Variants in RIMS1 observed in about 807,000 individuals in gnomAD.
RIMS1 encodes the protein regulating synaptic membrane exocytosis 1, also known as regulating synaptic membrane exocytosis protein 1.
A neutral mutation model predicts 214.1 loss-of-function variants in RIMS1; 83 were observed. That is an observed-to-expected ratio of 0.39 (90% CI 0.32 to 0.47). RIMS1 has a LOEUF of 0.47. Among genes scored for constraint, RIMS1 ranks in the 20% least tolerant of loss-of-function variants. The probability of loss-of-function intolerance (pLI) is 0.99; values close to 1 mark genes in which losing one functional copy is unlikely to be tolerated. For synonymous variants in RIMS1, 793 were observed against 786.8 expected (o/e 1.01, Z -0.13); for missense variants, 2,050 against 2,161.8 (o/e 0.95, Z 1.03).
intron 26 of RIMS1, among the ~76,000 whole-genome samples, chr6:72,302,870 T>C (rs996192573): frequency 2.0e-5 from 3 of 151,210 alleles, no homozygotes; most frequent in African/African-American, 7.3e-5. Flanking sequence ...CCTTTTACAG[T>C]CATATTTCAT....
rs776291647 is a variant in RIMS1, at chr6:71,887,000, A to G, written c.-24A>G. 8.7e-6 allele frequency: 14 copies of G among 1,609,050 alleles called. No individual in the cohort carries two copies. The highest frequency in any genetic ancestry group is 1.1e-5 in the Non-Finnish European group (13 of 1,177,610). ...GAAAGGTGAGAGCCAGAGAGCGAGC[A>G]GAGGGGGCGGGCAGGCCACGAAAAT... On this transcript the variant is annotated 5_prime_UTR_variant, in exon 1 of 34. Coordinates refer to ENST00000521978, the MANE Select transcript of RIMS1 (RefSeq NM_014989.7).
rs116728262 is a variant in RIMS1 at position 72,293,230 on chromosome 6, T to A, written c.3850+1184T>A. Among the ~76,000 whole-genome samples the A allele has an allele frequency of 8.1e-3, 1,227 of 152,118 alleles. 19 individuals carry two copies. The highest frequency in any genetic ancestry group is 0.029 in the African/African-American group (1,192 of 41,560). On this transcript the variant is annotated intron_variant, in intron 26 of 33. Transcript: ENST00000521978. ...ATTCTATTGATACTCCATGCTTTAGTTTTCAGGGTTGCTAAAATGGTATTC... is the reference window on the plus strand; with the variant it reads ...ATTCTATTGATACTCCATGCTTTAGATTTCAGGGTTGCTAAAATGGTATTC...
chr6:72,231,401 A>T (rs2061922344), intron 6 of RIMS1, among the ~76,000 whole-genome samples: 1 of 151,732 alleles, frequency 6.6e-6, no homozygotes, highest in African/African-American at 2.4e-5. Flanking sequence ...ATTGTATACT[A>T]AAATATATAC....
intron 29 of RIMS1, among the ~76,000 whole-genome samples, chr6:72,382,610 ATG>A (rs537344446): frequency 1.4e-4 from 22 of 152,312 alleles, no homozygotes; most frequent in African/African-American, 5.3e-4. Context: ...TTCAAATGAT[ATG>A]TCACTGTGCA....
At chr6:72,290,908 G>A (rs762729629) in intron 25 of RIMS1, 47 bp downstream of exon 25, 5 of 1,577,556 alleles carry the variant, frequency 3.2e-6, no homozygotes, top group Non-Finnish European at 4.3e-6. Flanking sequence ...GCCTCCGGGT[G>A]TTGGTGTGGT....
chr6:72,172,164 A>G (rs980486267), intron 4 of RIMS1, among the ~76,000 whole-genome samples: 10 of 152,176 alleles, frequency 6.6e-5, no homozygotes, highest in African/African-American at 2.4e-4. Flanking sequence ...ACAAACACGG[A>G]AAACATTCGA....
intron 2 of RIMS1, among the ~76,000 whole-genome samples, chr6:71,978,085 CAGTG>C (rs1277053566): frequency 6.6e-6 from 1 of 152,096 alleles, no homozygotes; most frequent in South Asian, 2.1e-4. Flanking sequence ...GTTTTGAAAG[CAGTG>C]AGGGAGAACA....
intron 1 of RIMS1, among the ~76,000 whole-genome samples, chr6:71,888,835 A>C (rs1768668746): frequency 1.3e-5 from 2 of 152,214 alleles, no homozygotes. Context: ...CAAATACTTT[A>C]AGCCTGCCGG....
At chr6:72,115,471 G>T (rs1041024739) in intron 4 of RIMS1, among the ~76,000 whole-genome samples, 4 of 151,848 alleles carry the variant, frequency 2.6e-5, no homozygotes, top group African/African-American at 9.7e-5. Context: ...GTTTGTCAAT[G>T]CTCTGTAAGA....
At chr6:72,331,984 C>T (rs1016552831) in intron 28 of RIMS1, among the ~76,000 whole-genome samples, 11 of 151,742 alleles carry the variant, frequency 7.2e-5, no homozygotes, top group East Asian at 1.9e-4. Context: ...ACCTCTTTTC[C>T]GTAGCTTATA....
At chr6:72,393,168 G>A (rs9446636) in intron 31 of RIMS1, among the ~76,000 whole-genome samples, 2,061 of 150,530 alleles carry the variant, frequency 0.014, 46 homozygotes, top group African/African-American at 0.048. Flanking sequence ...ATTCCCTCAC[G>A]CCTACACAAC....
At chr6:72,309,493 T>C (rs2095406188) in intron 27 of RIMS1, among the ~76,000 whole-genome samples, 1 of 152,070 alleles carries the variant, frequency 6.6e-6, no homozygotes, top group Non-Finnish European at 1.5e-5. Flanking sequence ...TTTGTTCTAC[T>C]TACATCATTG....
intron 2 of RIMS1, among the ~76,000 whole-genome samples, chr6:72,062,023 T>C (rs1010206246): frequency 1.3e-5 from 2 of 152,244 alleles, no homozygotes; most frequent in Non-Finnish European, 2.9e-5. Flanking sequence ...TGTTGGCACT[T>C]TAAATCTCTC....
intron 29 of RIMS1, among the ~76,000 whole-genome samples, chr6:72,350,694 A>T (rs1008325534): frequency 3.3e-5 from 5 of 152,144 alleles, no homozygotes; most frequent in Admixed American, 1.3e-4. Context: ...AGCACTCTTT[A>T]TGGTACATAA....
At chr6:72,128,419 T>A (rs928834717) in intron 4 of RIMS1, among the ~76,000 whole-genome samples, 2 of 152,002 alleles carry the variant, frequency 1.3e-5, no homozygotes, top group African/African-American at 4.8e-5. Context: ...AAAAAAATTG[T>A]ATTTGCCCCC....
rs181283197 is a variant in RIMS1, at chr6:72,117,704, G to A, written c.471+17718G>A. ...TTAGGTTAACAATGAAATGAAGATG[G>A]AATTAAAAAATTCTTTGAAATGAAT... On this transcript the variant is annotated intron_variant, in intron 4 of 33. Transcript: ENST00000521978. 3.6e-3 allele frequency among the ~76,000 whole-genome samples: 551 copies of A among 151,866 alleles called. 5 individuals are homozygous for A. The highest frequency in any genetic ancestry group is 0.013 in the African/African-American group (535 of 41,480).
At chr6:72,099,194 A>G (rs1188940637) in intron 3 of RIMS1, among the ~76,000 whole-genome samples, 20 of 152,216 alleles carry the variant, frequency 1.3e-4, no homozygotes, top group Non-Finnish European at 1.5e-5. Context: ...TTAATGATTG[A>G]TATATTAAAG....
At chr6:71,964,354 T>C (rs1793844797) in intron 1 of RIMS1, among the ~76,000 whole-genome samples, 1 of 152,134 alleles carries the variant, frequency 6.6e-6, no homozygotes, top group South Asian at 2.1e-4. Context: ...TGGCAGGACC[T>C]GATTTATCTT....
At chr6:72,180,738 A>C (rs2048302975) in intron 5 of RIMS1, among the ~76,000 whole-genome samples, 1 of 152,246 alleles carries the variant, frequency 6.6e-6, no homozygotes, top group Non-Finnish European at 1.5e-5. Flanking sequence ...GTTAGCACCT[A>C]GACTGGGCTT....
Sources: allele counts gnomAD v4.1 joint callset (sites outside exome capture counted in the v4.1 genomes callset), GRCh38; gene constraint gnomAD v4.1.1; transcripts MANE v1.5; gene names NCBI Gene and HGNC (gene_info 2026-07-23, HGNC 2026-07-21).